CEP112: variants seen among roughly 807,000 people sequenced by gnomAD.
The protein encoded by CEP112 is centrosomal protein 112, also known as centrosomal protein of 112 kDa.
In CEP112, 127 loss-of-function variants were observed where a neutral mutation model predicts 153.0. The observed-to-expected ratio is 0.83, with a 90% CI of 0.72 to 0.96. The LOEUF is 0.96. Ranked by LOEUF, CEP112 falls within the 40% of genes least tolerant of loss-of-function variation. CEP112 has a pLI of 0.00. For missense variants in CEP112, 1,089 were observed against 1,101.2 expected (o/e 0.99, Z 0.16); for synonymous variants, 358 against 374.4 (o/e 0.96, Z 0.51).
chr17:65,817,787 A>G (rs1361538426), intron 21 of CEP112, among the ~76,000 whole-genome samples: 1 of 151,852 alleles, frequency 6.6e-6, no homozygotes, highest in Admixed American at 6.6e-5. Context: ...GGAAACTTTT[A>G]TAGTATTTTA....
chr17:65,644,565 A>G lies in CEP112; in HGVS notation c.2698-3500T>C, dbSNP rs2045333413. 1.6e-5 allele frequency: 3 copies of G among 184,346 alleles called. No individual in the cohort carries two copies. In the Admixed American group the frequency reaches 1.7e-4, roughly 11 times the overall value. The allele number at this position is 184,346 out of a possible 1,614,324, so 11.4% of individuals were successfully genotyped here. The stretch of plus-strand genomic sequence containing the variant: ...AAGGTCAAAACTTTTTCTGATGTCT[A>G]TAAGGAGCTCATGGGCAAAGACGTT... On this transcript the variant is annotated intron_variant, in intron 24 of 26. Coordinates refer to ENST00000535342, the MANE Select transcript of CEP112 (RefSeq NM_001199165.4).
intron 12 of CEP112, among the ~76,000 whole-genome samples, chr17:66,044,239 C>T (rs943135348): frequency 1.3e-5 from 2 of 151,688 alleles, no homozygotes; most frequent in Admixed American, 6.6e-5. Flanking sequence ...ATAAAATATA[C>T]CTATGCAATA....
At chr17:65,916,184 T>G (rs537116691) in intron 19 of CEP112, among the ~76,000 whole-genome samples, 1 of 152,008 alleles carries the variant, frequency 6.6e-6, no homozygotes, top group African/African-American at 2.4e-5. Context: ...ACACTTTAGC[T>G]TGCTCTATTT....
At chr17:66,010,427 CTTCCTATTTGGATACCTTTTCT>C (rs1462720488) in intron 16 of CEP112, among the ~76,000 whole-genome samples, 1 of 152,152 alleles carries the variant, frequency 6.6e-6, no homozygotes, top group Non-Finnish European at 1.5e-5. Context: ...GACTTCCTCT[CTTCCTATTTGGATACCTTTTCT>C]TTCTTTCTCC....
intron 24 of CEP112, among the ~76,000 whole-genome samples, chr17:65,676,468 A>G (rs2047240023): frequency 6.6e-6 from 1 of 152,228 alleles, no homozygotes; most frequent in South Asian, 2.1e-4. Context: ...ATGTTTAAAT[A>G]AAGTAGAGGG....
At chr17:65,938,413 A>ATT (rs1214295969) in intron 18 of CEP112, among the ~76,000 whole-genome samples, 1 of 140,592 alleles carries the variant, frequency 7.1e-6, no homozygotes, top group African/African-American at 2.7e-5. Flanking sequence ...AGAATGATCA[A>ATT]TAAAAAAAAA....
At chr17:65,969,057 G>C (rs1346616522) in intron 17 of CEP112, among the ~76,000 whole-genome samples, 2 of 142,992 alleles carry the variant, frequency 1.4e-5, no homozygotes, top group African/African-American at 5.2e-5. Flanking sequence ...CATTATATCA[G>C]TTTTTTGTTT....
intron 12 of CEP112, among the ~76,000 whole-genome samples, chr17:66,038,001 G>T (rs960066185): frequency 1.1e-4 from 17 of 151,174 alleles, no homozygotes; most frequent in African/African-American, 3.9e-4. Flanking sequence ...AGGTTAGGAA[G>T]TCCTGGGGCT....
chr17:65,864,097 C>A (rs973483376), intron 20 of CEP112, among the ~76,000 whole-genome samples: 1 of 150,510 alleles, frequency 6.6e-6, no homozygotes, highest in African/African-American at 2.4e-5. Flanking sequence ...GCCAAGATTG[C>A]GCCACTACAC....
chr17:66,016,367 G>C (rs1267516556), intron 16 of CEP112, among the ~76,000 whole-genome samples: 5 of 152,020 alleles, frequency 3.3e-5, no homozygotes, highest in African/African-American at 4.8e-5. Context: ...TTTGCTGCTT[G>C]ACAAAAACCA....
intron 23 of CEP112, among the ~76,000 whole-genome samples, chr17:65,704,267 G>A (rs566854786): frequency 3.3e-5 from 5 of 152,158 alleles, no homozygotes; most frequent in South Asian, 4.1e-4. Flanking sequence ...CCTTGACTTC[G>A]GACTTGTGGC....
At chr17:65,972,767 GTTTTGTT>G (rs2062890451) in intron 17 of CEP112, among the ~76,000 whole-genome samples, 1 of 152,140 alleles carries the variant, frequency 6.6e-6, no homozygotes, top group Admixed American at 6.6e-5. Context: ...AATAATTTTT[GTTTTGTT>G]TTTTGTTTTT....
At chr17:66,020,945 G>C (rs1229950223) in intron 16 of CEP112, among the ~76,000 whole-genome samples, 2 of 152,152 alleles carry the variant, frequency 1.3e-5, no homozygotes, top group African/African-American at 4.8e-5. Flanking sequence ...TACTGGGGAA[G>C]AGAAGGTGAG....
intron 6 of CEP112, among the ~76,000 whole-genome samples, chr17:66,129,225 T>A (rs1471980263): frequency 1.3e-5 from 2 of 152,104 alleles, no homozygotes; most frequent in African/African-American, 4.8e-5. Flanking sequence ...AAACACCCAA[T>A]CACGACAGCT....
intron 17 of CEP112, among the ~76,000 whole-genome samples, chr17:65,980,998 A>T (rs1427728055): frequency 1.3e-5 from 2 of 152,116 alleles, no homozygotes; most frequent in African/African-American, 4.8e-5. Context: ...TTAGTAGAAC[A>T]TGGAGAGGGG....
At chr17:65,638,813 C>T (rs150541429) in intron 25 of CEP112, among the ~76,000 whole-genome samples, 1 of 152,132 alleles carries the variant, frequency 6.6e-6, no homozygotes, top group South Asian at 2.1e-4. Context: ...GGGTCAGCAT[C>T]CAGTTTTAGG....
At chr17:66,131,194 A>G (rs2070146894) in intron 5 of CEP112, among the ~76,000 whole-genome samples, 1 of 152,136 alleles carries the variant, frequency 6.6e-6, no homozygotes, top group Admixed American at 6.6e-5. Flanking sequence ...TTTCAATACA[A>G]TACTGCATTA....
intron 8 of CEP112, among the ~76,000 whole-genome samples, chr17:66,076,925 G>T (rs936823702): frequency 6.6e-6 from 1 of 152,184 alleles, no homozygotes; most frequent in Non-Finnish European, 1.5e-5. Flanking sequence ...AGGTAGACTC[G>T]CTGGGTGGCT....
Position 66,028,418 on chromosome 17 carries a change from TAAG to T in CEP112, c.1504-16_1504-14del. On this transcript the variant is annotated splice_polypyrimidine_tract_variant and intron_variant, in intron 14 of 26. Transcript: ENST00000535342. ...TCATACTAGATGCCTACAAGGATTT[TAAG>T]AAGAATAAAAAGCAGAATATTGATT... 6.8e-7 allele frequency: 1 copy of T among 1,460,794 alleles called. No individual in the cohort carries two copies. The highest frequency in any genetic ancestry group is 9.4e-7 in the Non-Finnish European group (1 of 1,064,330). The allele number at this position is 1,460,794 out of a possible 1,614,324, so 90.5% of individuals were successfully genotyped here.
Sources: allele counts gnomAD v4.1 joint callset (sites outside exome capture counted in the v4.1 genomes callset), GRCh38; gene constraint gnomAD v4.1.1; transcripts MANE v1.5; gene names NCBI Gene and HGNC (gene_info 2026-07-23, HGNC 2026-07-21).